Variants in PDE1A observed in about 807,000 individuals in gnomAD.
The protein encoded by PDE1A is phosphodiesterase 1A, also known as dual specificity calcium/calmodulin-dependent 3',5'-cyclic nucleotide phosphodiesterase 1A.
PDE1A carries 35 observed loss-of-function variants against 61.7 expected under a neutral mutation model. The observed-to-expected ratio is 0.57, with a 90% confidence interval of 0.43 to 0.75. The LOEUF (loss-of-function observed/expected upper bound fraction) is 0.75. Ranked by LOEUF, PDE1A falls within the 30% of genes least tolerant of loss-of-function variation. The pLI, the probability that PDE1A is intolerant of heterozygous loss-of-function variation, is 0.00. For synonymous variants in PDE1A, 232 were observed against 213.2 expected (o/e 1.09, Z -0.77); for missense variants, 597 against 630.6 (o/e 0.95, Z 0.57).
chr2:182,704,211 G>GA, the PDE1A span, among the ~76,000 whole-genome samples: 2,534 of 120,076 alleles, frequency 0.021, 95 homozygotes, highest in African/African-American at 0.065. Flanking sequence ...ACTCCGTCTG[G>GA]AAAAAAAAAA....
intron 1 of PDE1A, among the ~76,000 whole-genome samples, chr2:182,353,371 T>A (rs752082735): frequency 2.6e-5 from 4 of 152,172 alleles, no homozygotes; most frequent in Non-Finnish European, 5.9e-5. Context: ...TTGCTCTAAA[T>A]CTGAATATTA....
At chr2:182,443,505 T>C (rs978062238) in intron 2 of PDE1A, among the ~76,000 whole-genome samples, 3 of 151,810 alleles carry the variant, frequency 2.0e-5, no homozygotes, top group Non-Finnish European at 4.4e-5. Context: ...GTGAGTGTGT[T>C]CTCATATATG....
At chr2:182,583,667 T>C in the PDE1A span, among the ~76,000 whole-genome samples, 2 of 152,226 alleles carry the variant, frequency 1.3e-5, no homozygotes, top group Admixed American at 6.5e-5. Flanking sequence ...GAAATAGCCT[T>C]GAATAAAGTC....
chr2:182,415,808 C>T lies in PDE1A; in HGVS notation c.53+10770G>A, dbSNP rs373259707. On this transcript the variant is annotated intron_variant, in intron 1 of 13. Transcript: ENST00000351439. ...CTCTCTCCATGTCTAGAAAAGGAAA[C>T]TTGCATGGAAATCATGGGTATTAAA... 3.9e-5 allele frequency among the ~76,000 whole-genome samples: 6 copies of T among 152,052 alleles called. No homozygotes were observed. The East Asian group carries it at 5.8e-4, about 15-fold the overall frequency.
At chr2:182,692,340 A>G in the PDE1A span, among the ~76,000 whole-genome samples, 1 of 152,200 alleles carries the variant, frequency 6.6e-6, no homozygotes, top group Non-Finnish European at 1.5e-5. Context: ...CTATGCAGCC[A>G]TAAAAATGAT....
intron 1 of PDE1A, among the ~76,000 whole-genome samples, chr2:182,319,110 A>C (rs1224385956): frequency 6.6e-6 from 1 of 152,068 alleles, no homozygotes; most frequent in Admixed American, 6.6e-5. Flanking sequence ...TGCTTTTGCC[A>C]AAAAAAGAAA....
the PDE1A span, among the ~76,000 whole-genome samples, chr2:182,681,785 A>G: frequency 2.6e-5 from 4 of 152,044 alleles, no homozygotes; most frequent in Non-Finnish European, 4.4e-5. Context: ...AGCTGGGACT[A>G]CAGGCGCCCG....
intron 1 of PDE1A, among the ~76,000 whole-genome samples, chr2:182,286,652 G>A (rs1694184902): frequency 6.6e-6 from 1 of 152,130 alleles, no homozygotes; most frequent in Non-Finnish European, 1.5e-5. Context: ...AGCCGGTGGA[G>A]AGGGAAAGAA....
At chr2:182,159,770 C>A (rs751533951) in intron 13 of PDE1A, among the ~76,000 whole-genome samples, 67 of 152,046 alleles carry the variant, frequency 4.4e-4, no homozygotes, top group Non-Finnish European at 8.1e-4. Flanking sequence ...GCCTGTGGAA[C>A]ATAGTGAGAC....
chr2:182,576,230 C>G, the PDE1A span, among the ~76,000 whole-genome samples: 1 of 152,056 alleles, frequency 6.6e-6, no homozygotes, highest in East Asian at 1.9e-4. Context: ...TTCCTCTTTT[C>G]CCTAAGCACC....
chr2:182,222,720 A>C (rs563450260), intron 7 of PDE1A, among the ~76,000 whole-genome samples: 6 of 142,348 alleles, frequency 4.2e-5, no homozygotes, highest in African/African-American at 1.7e-4. Context: ...TCTAAGAAAT[A>C]AAGTCTATTA....
downstream of PDE1A, among the ~76,000 whole-genome samples, chr2:182,145,639 G>T (rs1363153957): frequency 6.6e-6 from 1 of 152,102 alleles, no homozygotes; most frequent in Admixed American, 6.5e-5. Flanking sequence ...TGAGGCAGGA[G>T]GATTGCTTGA....
At chr2:182,632,960 C>T in the PDE1A span, among the ~76,000 whole-genome samples, 1 of 152,178 alleles carries the variant, frequency 6.6e-6, no homozygotes, top group Non-Finnish European at 1.5e-5. Context: ...TCATGGTAAA[C>T]TCAAAGCACC....
At chr2:182,357,576 GTTTA>G (rs781253448) in intron 1 of PDE1A, among the ~76,000 whole-genome samples, 8 of 152,068 alleles carry the variant, frequency 5.3e-5, no homozygotes, top group South Asian at 4.1e-4. Flanking sequence ...CAGAAAGTGT[GTTTA>G]TTTATTTATT....
At chr2:182,468,607 T>G (rs1194139982) in intron 2 of PDE1A, among the ~76,000 whole-genome samples, 2 of 151,994 alleles carry the variant, frequency 1.3e-5, no homozygotes, top group African/African-American at 4.8e-5. Flanking sequence ...TGTTGATATT[T>G]TGGCCTCCTC....
chr2:182,437,988 C>A (rs1218575632), intron 2 of PDE1A, among the ~76,000 whole-genome samples: 1 of 151,744 alleles, frequency 6.6e-6, no homozygotes, highest in African/African-American at 2.4e-5. Flanking sequence ...TCATGAACAT[C>A]AATTTTTTGA....
the PDE1A span, among the ~76,000 whole-genome samples, chr2:182,630,523 A>G: frequency 6.7e-6 from 1 of 150,016 alleles, no homozygotes; most frequent in Non-Finnish European, 1.5e-5. Context: ...CTCACATGGT[A>G]AGGCAAGCTC....
chr2:182,415,997 C>T (rs1702893556), intron 1 of PDE1A, among the ~76,000 whole-genome samples: 2 of 152,288 alleles, frequency 1.3e-5, no homozygotes, highest in Middle Eastern at 6.8e-3. Flanking sequence ...TGGCAAGCCA[C>T]ACTTAATCTG....
the PDE1A span, among the ~76,000 whole-genome samples, chr2:182,706,199 C>T: frequency 1.1e-3 from 162 of 152,264 alleles, 1 homozygote; most frequent in African/African-American, 3.5e-3. Context: ...AGCCTCTTAG[C>T]GGCTACTCCC....
Sources: allele counts gnomAD v4.1 joint callset (sites outside exome capture counted in the v4.1 genomes callset), GRCh38; gene constraint gnomAD v4.1.1; transcripts MANE v1.5; gene names NCBI Gene and HGNC (gene_info 2026-07-23, HGNC 2026-07-21).